The following FBXL20 variants were observed in gnomAD, a reference collection of about 807,000 sequenced individuals.
FBXL20 encodes the protein F-box and leucine rich repeat protein 20.
A neutral mutation model predicts 64.0 loss-of-function variants in FBXL20; 11 were observed. That is an observed-to-expected ratio of 0.17 (90% CI 0.11 to 0.28). The LOEUF is 0.28. Among genes scored for constraint, FBXL20 ranks in the 10% least tolerant of loss-of-function variants. The pLI, the probability that FBXL20 is intolerant of heterozygous loss-of-function variation, is 1.00. For synonymous variants in FBXL20, 184 were observed against 189.0 expected (o/e 0.97, Z 0.22); for missense variants, 303 against 526.2 (o/e 0.58, Z 4.15).
At chr17:39,345,217 A>G (rs1003226303) in intron 1 of FBXL20, among the ~76,000 whole-genome samples, 3 of 152,164 alleles carry the variant, frequency 2.0e-5, no homozygotes, top group African/African-American at 7.2e-5. Context: ...CACGATCTCT[A>G]TCCTTAAGGA....
At chr17:39,358,155 G>A (rs1372259458) in intron 1 of FBXL20, among the ~76,000 whole-genome samples, 1 of 152,124 alleles carries the variant, frequency 6.6e-6, no homozygotes, top group Non-Finnish European at 1.5e-5. Flanking sequence ...GATGTCCAAG[G>A]AAAAGAGAAA....
intron 6 of FBXL20, among the ~76,000 whole-genome samples, chr17:39,287,830 G>T (rs150200593): frequency 1.4e-4 from 22 of 152,038 alleles, no homozygotes; most frequent in Non-Finnish European, 2.6e-4. Flanking sequence ...TTACATTCCC[G>T]CCAGAAATTC....
chr17:39,297,302 G>A (rs1338661475), intron 5 of FBXL20, 107 bp from the exon 6 acceptor site: 7 of 579,300 alleles, frequency 1.2e-5, no homozygotes, highest in Non-Finnish European at 9.0e-6. Context: ...GTTGATATCT[G>A]TGATACTGTG....
intron 14 of FBXL20, 95 bp downstream of exon 14, chr17:39,264,080 A>C: frequency 7.5e-7 from 1 of 1,334,950 alleles, no homozygotes; most frequent in Non-Finnish European, 1.0e-6. Flanking sequence ...AGTAAATATA[A>C]AAATCATAGG....
intron 1 of FBXL20, among the ~76,000 whole-genome samples, chr17:39,391,694 A>G (rs1189375542): frequency 6.6e-6 from 1 of 152,178 alleles, no homozygotes; most frequent in African/African-American, 2.4e-5. Flanking sequence ...ACATCAAAAG[A>G]TATAGATGAT....
intron 1 of FBXL20, among the ~76,000 whole-genome samples, chr17:39,371,337 C>A (rs1166904052): frequency 6.6e-6 from 1 of 152,042 alleles, no homozygotes; most frequent in Non-Finnish European, 1.5e-5. Context: ...CCTGTTAATG[C>A]ATAAATATAT....
chr17:39,347,277 A>G (rs1365817208), intron 1 of FBXL20, among the ~76,000 whole-genome samples: 1 of 152,234 alleles, frequency 6.6e-6, no homozygotes, highest in Non-Finnish European at 1.5e-5. Flanking sequence ...ACTGTCTTCC[A>G]CAATGGTTGA....
chr17:39,355,081 G>A (rs957480350), intron 1 of FBXL20, among the ~76,000 whole-genome samples: 4 of 152,152 alleles, frequency 2.6e-5, no homozygotes, highest in East Asian at 1.9e-4. Context: ...ATAGGCATGC[G>A]CCACCATGCC....
At chr17:39,345,554 T>C (rs918526913) in intron 1 of FBXL20, among the ~76,000 whole-genome samples, 54 of 152,124 alleles carry the variant, frequency 3.5e-4, no homozygotes, top group Middle Eastern at 3.4e-3. Flanking sequence ...TTAATAATTT[T>C]TTTTTTGAGA....
chr17:39,351,015 G>A (rs751299071), intron 1 of FBXL20, among the ~76,000 whole-genome samples: 2 of 152,086 alleles, frequency 1.3e-5, no homozygotes, highest in Non-Finnish European at 2.9e-5. Flanking sequence ...ATTATCACTT[G>A]AAGTGACACA....
chr17:39,281,990 CA>C (rs1460624072), intron 8 of FBXL20, among the ~76,000 whole-genome samples: 4 of 152,112 alleles, frequency 2.6e-5, no homozygotes, highest in Admixed American at 6.6e-5. Flanking sequence ...CTTAAATAAC[CA>C]GAAGCTCAAG....
chr17:39,373,004 TTTC>T (rs534277307), intron 1 of FBXL20, among the ~76,000 whole-genome samples: 47 of 151,966 alleles, frequency 3.1e-4, no homozygotes, highest in South Asian at 1.2e-3. Flanking sequence ...TTATTTTTCT[TTTC>T]TTTTTTTTTT....
chr17:39,295,021 C>A (rs1047319643), intron 6 of FBXL20, among the ~76,000 whole-genome samples: 1 of 152,094 alleles, frequency 6.6e-6, no homozygotes, highest in African/African-American at 2.4e-5. Context: ...TTAAAGAGTA[C>A]ATACTGAAAT....
At chr17:39,367,951 T>C (rs2047877345) in intron 1 of FBXL20, among the ~76,000 whole-genome samples, 1 of 151,522 alleles carries the variant, frequency 6.6e-6, no homozygotes, top group African/African-American at 2.4e-5. Flanking sequence ...CTTTTTTTTG[T>C]ACTTTTGGTA....
At chr17:39,392,910 G>A (rs960652074) in intron 1 of FBXL20, among the ~76,000 whole-genome samples, 13 of 151,884 alleles carry the variant, frequency 8.6e-5, no homozygotes, top group African/African-American at 3.1e-4. Context: ...CTACCTGAGA[G>A]GCTGAGGTTG....
chr17:39,380,886 G>A lies in FBXL20; in HGVS notation c.42+20475C>T, dbSNP rs189710181. On this transcript the variant is annotated intron_variant, in intron 1 of 14. Transcript: ENST00000264658. ...TAGAAATAAAACTAGCAGGCCGGGC[G>A]TGGTGGCTCACACCTGTAATCCCAG... is the stretch of plus-strand genomic sequence containing the variant. Among the ~76,000 whole-genome samples, 519 of 152,246 alleles carry A rather than the reference G, an allele frequency of 3.4e-3. 1 individual carries two copies. The highest frequency in any genetic ancestry group is 5.5e-3 in the Non-Finnish European group (376 of 68,018).
chr17:39,274,209 C>T (rs1229173093), intron 10 of FBXL20, among the ~76,000 whole-genome samples: 1 of 152,120 alleles, frequency 6.6e-6, no homozygotes, highest in Non-Finnish European at 1.5e-5. Flanking sequence ...TAAAGCAACA[C>T]CTAATTTACA....
rs113788974 is a variant in FBXL20 at position 39,391,186 on chromosome 17, G to T, written c.42+10175C>A. Among the ~76,000 whole-genome samples, 39 of 151,524 alleles carry T rather than the reference G, an allele frequency of 2.6e-4. 1 individual carries two copies. Among genetic ancestry groups the T allele is most frequent in the Middle Eastern group, 3.4e-3 (1 of 294 alleles). On this transcript the variant is annotated intron_variant, in intron 1 of 14. Transcript: ENST00000264658. ...AATCCTAGCACTTTGGGTGGCCAAG[G>T]TGGGAGGATTACTTGAGACTAGGAG...
At position 39,356,883 on chromosome 17, in the gene FBXL20, T is replaced by TA. The variant is rs1567894356; in HGVS notation, c.43-13643dup. Among the ~76,000 whole-genome samples the TA allele has an allele frequency of 2.0e-5, 3 of 151,418 alleles. No individual in the cohort carries two copies. The East Asian group carries it at 5.9e-4, about 30-fold the overall frequency. On this transcript the variant is annotated intron_variant, in intron 1 of 14. Transcript: ENST00000264658. ...CTCACTATGTTGCCCAGGCTAGTCTTAAACTCCTAAACTCAAGAGCTCCTC... is the reference window on the plus strand; with the variant it reads ...CTCACTATGTTGCCCAGGCTAGTCTTAAAACTCCTAAACTCAAGAGCTCCTC...
Sources: allele counts gnomAD v4.1 joint callset (sites outside exome capture counted in the v4.1 genomes callset), GRCh38; gene constraint gnomAD v4.1.1; transcripts MANE v1.5; gene names NCBI Gene and HGNC (gene_info 2026-07-23, HGNC 2026-07-21).